CNTN5: variants seen among roughly 807,000 people sequenced by gnomAD.
CNTN5 encodes the protein contactin-5.
CNTN5 carries 77 observed loss-of-function variants against 129.1 expected under a neutral mutation model. The observed-to-expected ratio is 0.60, with a 90% CI of 0.50 to 0.72. The LOEUF is 0.72. Among genes scored for constraint, CNTN5 ranks in the 30% least tolerant of loss-of-function variants. The pLI, the probability that CNTN5 is intolerant of heterozygous loss-of-function variation, is 0.00. For missense variants in CNTN5, 1,478 were observed against 1,328.8 expected, an observed-to-expected ratio of 1.11 and a Z score of -1.75; for synonymous variants, 509 against 465.6, an observed-to-expected ratio of 1.09 and a Z score of -1.20.
At chr11:99,434,099 G>A (rs973434255) in intron 2 of CNTN5, among the ~76,000 whole-genome samples, 1 of 151,954 alleles carries the variant, frequency 6.6e-6, no homozygotes, top group African/African-American at 2.4e-5. Flanking sequence ...TATAATCTTC[G>A]GCTGAAAAAC....
intron 2 of CNTN5, among the ~76,000 whole-genome samples, chr11:99,368,394 C>G (rs1939593976): frequency 1.3e-5 from 2 of 151,606 alleles, no homozygotes; most frequent in South Asian, 4.2e-4. Context: ...GTAATACCAG[C>G]ACTTTGAAAG....
intron 4 of CNTN5, among the ~76,000 whole-genome samples, chr11:99,828,454 T>A (rs1473346660): frequency 6.6e-6 from 1 of 152,122 alleles, no homozygotes; most frequent in East Asian, 1.9e-4. Flanking sequence ...GCAGAGACAG[T>A]GAGAGCAAGA....
At chr11:100,286,058 A>C (rs2138839209) in intron 18 of CNTN5, among the ~76,000 whole-genome samples, 1 of 152,274 alleles carries the variant, frequency 6.6e-6, no homozygotes, top group South Asian at 2.1e-4. Context: ...AGGCTTAAAA[A>C]ACGGCCCAAC....
At chr11:99,064,163 C>G (rs1168125870) in intron 1 of CNTN5, among the ~76,000 whole-genome samples, 1 of 152,096 alleles carries the variant, frequency 6.6e-6, no homozygotes, top group Non-Finnish European at 1.5e-5. Context: ...GGTTAGTTTT[C>G]ATGCCCTTGT....
chr11:99,021,882 G>C (rs191335060), intron 1 of CNTN5, among the ~76,000 whole-genome samples: 9 of 152,298 alleles, frequency 5.9e-5, no homozygotes, highest in Admixed American at 3.9e-4. Flanking sequence ...ACCATGTTTT[G>C]TAGGGAGATA....
chr11:100,040,249 G>A (rs1031118862), intron 9 of CNTN5, among the ~76,000 whole-genome samples: 1 of 152,178 alleles, frequency 6.6e-6, no homozygotes, highest in Non-Finnish European at 1.5e-5. Flanking sequence ...GACCCTGTTT[G>A]CCTGGGTATC....
intron 8 of CNTN5, among the ~76,000 whole-genome samples, chr11:99,985,147 G>C (rs1938599295): frequency 6.6e-6 from 1 of 152,052 alleles, no homozygotes; most frequent in Non-Finnish European, 1.5e-5. Context: ...GCTTCCCTCT[G>C]CTGGCAAGGG....
chr11:99,991,399 A>G (rs1168615584), intron 8 of CNTN5, among the ~76,000 whole-genome samples: 1 of 152,114 alleles, frequency 6.6e-6, no homozygotes, highest in African/African-American at 2.4e-5. Context: ...CCCGGGAGGC[A>G]GAGCTTGCAG....
At chr11:99,078,330 G>A (rs1469195740) in intron 1 of CNTN5, among the ~76,000 whole-genome samples, 1 of 152,168 alleles carries the variant, frequency 6.6e-6, no homozygotes, top group African/African-American at 2.4e-5. Context: ...TATATTGGTA[G>A]AAATGTAAAT....
At chr11:100,008,911 A>G (rs976261711) in intron 9 of CNTN5, among the ~76,000 whole-genome samples, 1 of 152,110 alleles carries the variant, frequency 6.6e-6, no homozygotes, top group African/African-American at 2.4e-5. Flanking sequence ...CTTGGAAAGT[A>G]CAGTTACCTT....
chr11:99,611,675 A>G (rs1183894847), intron 3 of CNTN5, among the ~76,000 whole-genome samples: 1 of 152,212 alleles, frequency 6.6e-6, no homozygotes, highest in African/African-American at 2.4e-5. Flanking sequence ...AATCAACCCA[A>G]GTAGTTGAAA....
chr11:99,946,679 T>C (rs1006850515), intron 7 of CNTN5, among the ~76,000 whole-genome samples: 2 of 152,080 alleles, frequency 1.3e-5, no homozygotes, highest in African/African-American at 4.8e-5. Context: ...GTATGTATAT[T>C]ACATATATCT....
intron 13 of CNTN5, among the ~76,000 whole-genome samples, chr11:100,155,997 C>G (rs1213768818): frequency 6.6e-6 from 1 of 151,996 alleles, no homozygotes; most frequent in Non-Finnish European, 1.5e-5. Flanking sequence ...CCCTTTATTT[C>G]TTTCTCTTGC....
At chr11:99,743,815 T>C (rs1943959655) in intron 3 of CNTN5, among the ~76,000 whole-genome samples, 1 of 152,224 alleles carries the variant, frequency 6.6e-6, no homozygotes, top group Non-Finnish European at 1.5e-5. Flanking sequence ...TAAGAGATTC[T>C]TGACTAAATA....
intron 3 of CNTN5, among the ~76,000 whole-genome samples, chr11:99,753,822 G>C (rs11221229): frequency 0.15 from 21,951 of 150,108 alleles, 1,759 homozygotes; most frequent in Non-Finnish European, 0.17. Context: ...CAAGTGGCTG[G>C]GATTACAGGT....
intron 1 of CNTN5, among the ~76,000 whole-genome samples, chr11:99,240,683 G>A (rs984254728): frequency 1.3e-5 from 2 of 152,022 alleles, no homozygotes; most frequent in Admixed American, 6.6e-5. Flanking sequence ...GAATTCCAAT[G>A]CTGAACCCTG....
intron 2 of CNTN5, among the ~76,000 whole-genome samples, chr11:99,420,672 T>A (rs1481097178): frequency 1.3e-5 from 2 of 152,126 alleles, no homozygotes; most frequent in African/African-American, 4.8e-5. Flanking sequence ...AAAAGTACCT[T>A]GTTGAATGCC....
intron 2 of CNTN5, among the ~76,000 whole-genome samples, chr11:99,537,551 G>A (rs10790785): frequency 0.25 from 37,790 of 151,976 alleles, 5,178 homozygotes; most frequent in Non-Finnish European, 0.31. Context: ...ACCCTTCTTC[G>A]CTTCTCTTAT....
chr11:100,325,873 CAT>C (rs1951778006), intron 21 of CNTN5, among the ~76,000 whole-genome samples: 1 of 152,108 alleles, frequency 6.6e-6, no homozygotes, highest in Non-Finnish European at 1.5e-5. Flanking sequence ...AAGAGAAAAA[CAT>C]ATAGAAGAAA....
Sources: gnomAD v4.1 joint callset for allele counts (sites outside exome capture counted in the v4.1 genomes callset) on GRCh38, gnomAD v4.1.1 for gene constraint, MANE v1.5 for transcripts, NCBI Gene and HGNC (gene_info 2026-07-23, HGNC 2026-07-21) for gene names.